Variants in PIWIL1 observed in about 807,000 individuals in gnomAD.
PIWIL1 encodes the protein piwi like RNA-mediated gene silencing 1.
PIWIL1 carries 73 observed loss-of-function variants against 114.4 expected under a neutral mutation model. The observed-to-expected ratio is 0.64, with a 90% CI of 0.53 to 0.78. PIWIL1 has a LOEUF of 0.78. PIWIL1 is among the 30% of genes least tolerant of loss of function. The pLI, the probability that PIWIL1 is intolerant of heterozygous loss-of-function variation, is 0.00. For synonymous variants in PIWIL1, 375 were observed against 369.0 expected (o/e 1.02, Z -0.19); for missense variants, 723 against 1,063.1 (o/e 0.68, Z 4.45).
the PIWIL1 span, among the ~76,000 whole-genome samples, chr12:130,394,322 C>T: frequency 6.6e-6 from 1 of 152,208 alleles, no homozygotes; most frequent in Admixed American, 6.5e-5. Context: ...GCACAAGGGC[C>T]TGGAGTCCGA....
Position 130,365,087 on chromosome 12 carries a change from T to C in PIWIL1, c.2195+1943T>C, listed in dbSNP as rs1256987515. The stretch of plus-strand genomic sequence containing the variant: ...AGTACCTGTGCACAGTCGTCCTGAG[T>C]GTGCAGAGTGGACCCTGGTGCAGCT... On this transcript the variant is annotated intron_variant, in intron 18 of 20. Coordinates refer to ENST00000245255, the MANE Select transcript of PIWIL1 (RefSeq NM_004764.5). Among the ~76,000 whole-genome samples the C allele has an allele frequency of 3.9e-5, 6 of 152,258 alleles. No individual in the cohort carries two copies. The East Asian group carries it at 7.7e-4, about 20-fold the overall frequency.
At chr12:130,406,038 TAAGCA>T in the PIWIL1 span, 6 of 632,348 alleles carry the variant, frequency 9.5e-6, 1 homozygote, top group Non-Finnish European at 1.4e-5. Context: ...CTCAGCCAAT[TAAGCA>T]AAGCTATCAG....
chr12:130,357,443 A>G (rs2073393673), intron 13 of PIWIL1, 38 bp from the exon 14 acceptor site: 1 of 1,480,806 alleles, frequency 6.8e-7, no homozygotes, highest in African/African-American at 1.4e-5. Flanking sequence ...ATTTGTCGCT[A>G]CTGTGTCTGA....
the PIWIL1 span, chr12:130,399,833 G>T: frequency 1.2e-6 from 2 of 1,613,120 alleles, no homozygotes; most frequent in African/African-American, 1.3e-5. Flanking sequence ...CAGGGGTGAG[G>T]CAGAAGAACT....
rs531298295 is a variant in PIWIL1 at position 130,368,047 on chromosome 12, G to A, written c.2321+789G>A. Among the ~76,000 whole-genome samples, 11 of 152,214 alleles carry A rather than the reference G, an allele frequency of 7.2e-5. No homozygotes were observed. In the East Asian group the frequency reaches 7.7e-4, roughly 11 times the overall value. On this transcript the variant is annotated intron_variant, in intron 19 of 20. Coordinates refer to ENST00000245255, the MANE Select transcript of PIWIL1 (RefSeq NM_004764.5). ...TCCTGGCCTCAAGTGATCCGCTCGC[G>A]TCAGCCTCCTAAAGTGCTGGGATTA...
At chr12:130,412,675 A>T in the PIWIL1 span, 1 of 1,613,956 alleles carries the variant, frequency 6.2e-7, no homozygotes, top group African/African-American at 1.3e-5. Flanking sequence ...AAGCTGATCC[A>T]TCATCTCCTC....
chr12:130,409,408 TC>T, the PIWIL1 span, among the ~76,000 whole-genome samples: 1 of 133,618 alleles, frequency 7.5e-6, no homozygotes, highest in Non-Finnish European at 1.6e-5. Context: ...AGTGGCGCGA[TC>T]CCGGCTCACT....
the PIWIL1 span, chr12:130,412,869 G>A: frequency 5.5e-6 from 7 of 1,272,918 alleles, no homozygotes; most frequent in Non-Finnish European, 7.6e-6. Flanking sequence ...GTAAGTGAGT[G>A]TAGTCGAAAA....
chr12:130,392,208 A>C, the PIWIL1 span, among the ~76,000 whole-genome samples: 1 of 82,160 alleles, frequency 1.2e-5, no homozygotes, highest in Non-Finnish European at 2.6e-5. Context: ...TGGATGCATC[A>C]GTTACCCAGT....
chr12:130,370,219 G>A (rs557082124), intron 19 of PIWIL1, among the ~76,000 whole-genome samples: 177 of 146,444 alleles, frequency 1.2e-3, no homozygotes, highest in Non-Finnish European at 1.9e-3. Flanking sequence ...TCTCTGGATT[G>A]ATATTTTATT....
At chr12:130,424,630 C>T in the PIWIL1 span, 95 of 1,231,804 alleles carry the variant, frequency 7.7e-5, no homozygotes, top group Non-Finnish European at 9.1e-5. This position sits in a 1 kb window ranked among gnomAD's most constrained non-coding sequence, Gnocchi z 9.8. Context: ...AACCAGGAGC[C>T]CCGAGGGGCC....
At chr12:130,361,994 G>A (rs1446428000) in intron 16 of PIWIL1, among the ~76,000 whole-genome samples, 2 of 152,142 alleles carry the variant, frequency 1.3e-5, no homozygotes, top group Non-Finnish European at 2.9e-5. Context: ...TTGGAACTAA[G>A]GGAATTGCCA....
In PIWIL1 at chr12:130,361,219, G is replaced by A. The variant is rs764822363; in HGVS notation, c.1705G>A (p.Asp569Asn). 12 of 1,613,944 alleles carry A rather than the reference G, an allele frequency of 7.4e-6. No individual in the cohort carries two copies. Among genetic ancestry groups the A allele is most frequent in the African/African-American group, 1.3e-5 (1 of 74,874 alleles). Residue 569 changes from aspartate (D) to asparagine (N), a missense_variant, in exon 15 of 21, where the codon GAT (aspartate) becomes AAT (asparagine). Coordinates refer to ENST00000245255, the MANE Select transcript of PIWIL1 (RefSeq NM_004764.5). ...LLSSNRKDKYDAIKKYLCTDC... is the reference protein window; with the variant it reads ...LLSSNRKDKYNAIKKYLCTDC... ...GTCAAGTAATCGGAAGGACAAATACGATGCTATTAAAAAATACCTGTGTAC... is the reference window on the plus strand; with the variant it reads ...GTCAAGTAATCGGAAGGACAAATACAATGCTATTAAAAAATACCTGTGTAC...
At chr12:130,365,760 T>C (rs982346596) in intron 18 of PIWIL1, among the ~76,000 whole-genome samples, 1 of 152,230 alleles carries the variant, frequency 6.6e-6, no homozygotes, top group African/African-American at 2.4e-5. Context: ...ATACTTGTTT[T>C]AGATGCTGTC....
At chr12:130,420,699 T>C in the PIWIL1 span, among the ~76,000 whole-genome samples, 2 of 152,174 alleles carry the variant, frequency 1.3e-5, no homozygotes, top group East Asian at 1.9e-4. The surrounding 1 kb of genome is among the most constrained non-coding windows in gnomAD (Gnocchi z 4.3). Context: ...TAAGCCAATA[T>C]TGAGTCTAAG....
At chr12:130,407,738 G>A in the PIWIL1 span, 36 of 1,613,792 alleles carry the variant, frequency 2.2e-5, no homozygotes, top group African/African-American at 8.0e-5. Context: ...CGACATCGAC[G>A]TTGGGCGAGC....
the PIWIL1 span, among the ~76,000 whole-genome samples, chr12:130,409,222 G>A: frequency 6.6e-6 from 1 of 151,686 alleles, no homozygotes; most frequent in African/African-American, 2.4e-5. Flanking sequence ...GATATAGACC[G>A]GCCATAGTCC....
downstream of PIWIL1, among the ~76,000 whole-genome samples, chr12:130,375,277 C>G (rs571173347): frequency 6.6e-6 from 1 of 152,132 alleles, no homozygotes; most frequent in Non-Finnish European, 1.5e-5. Flanking sequence ...GAGAAAAGCA[C>G]GCAACCCTGT....
chr12:130,424,327 C>T, the PIWIL1 span: 5 of 1,231,908 alleles, frequency 4.1e-6, no homozygotes, highest in African/African-American at 1.6e-5. The surrounding 1 kb of genome is among the most constrained non-coding windows in gnomAD (Gnocchi z 9.8). Context: ...CTGAGGAGGC[C>T]ACCAGGGCCC....
Sources: gnomAD v4.1 joint callset for allele counts (sites outside exome capture counted in the v4.1 genomes callset) on GRCh38, gnomAD v4.1.1 for gene constraint, Gnocchi (gnomAD v3.1) non-coding constraint, MANE v1.5 for transcripts, NCBI Gene and HGNC (gene_info 2026-07-23, HGNC 2026-07-21) for gene names.